Variants in CDH2 observed in about 807,000 individuals in gnomAD.
CDH2 encodes the protein cadherin 2, also known as cadherin-2.
CDH2 carries 17 observed loss-of-function variants against 92.0 expected under a neutral mutation model. The ratio of observed to expected loss-of-function variants is 0.18; its 90% CI spans 0.13 to 0.28. The LOEUF is 0.28. Ranked by LOEUF, CDH2 falls within the 10% of genes least tolerant of loss-of-function variation. The probability of loss-of-function intolerance (pLI) is 1.00; values close to 1 mark genes in which losing one functional copy is unlikely to be tolerated. For synonymous variants in CDH2, 419 were observed against 415.9 expected (o/e 1.01, Z -0.09); for missense variants, 862 against 1,133.1 (o/e 0.76, Z 3.44).
At chr18:28,055,757 G>A (rs183606292) in intron 2 of CDH2, among the ~76,000 whole-genome samples, 54 of 151,940 alleles carry the variant, frequency 3.6e-4, no homozygotes, top group Admixed American at 2.8e-3. Context: ...TATATACTTC[G>A]GCATCCTGTT....
At chr18:27,988,416 A>G in intron 11 of CDH2, 108 bp downstream of exon 11, 1 of 896,970 alleles carries the variant, frequency 1.1e-6, no homozygotes, top group Non-Finnish European at 1.7e-6. Flanking sequence ...GAATTATAAA[A>G]GTCAGTTTTC....
chr18:28,043,422 CA>C, intron 2 of CDH2, among the ~76,000 whole-genome samples: 1 of 135,626 alleles, frequency 7.4e-6, no homozygotes, highest in Non-Finnish European at 1.6e-5. Flanking sequence ...TCCATATAAC[CA>C]AAAACCACCT....
intron 1 of CDH2, among the ~76,000 whole-genome samples, chr18:28,171,112 C>T (rs1055414721): frequency 6.6e-6 from 1 of 152,050 alleles, no homozygotes; most frequent in South Asian, 2.1e-4. Context: ...CACACGTAAT[C>T]CCAGCTACAC....
rs1462592216 is a variant in CDH2, at chr18:28,147,766, C to T, written c.79G>A (p.Gly27Ser). The part of the protein sequence containing the change: ...ALLQASVEAS[G>S]EIALCKTGFP... ...CCAGTCTTGCATAATGCGATTTCACCAGAAGCCTCTACAGACGCCTGCAAC... is the reference window on the plus strand; with the variant it reads ...CCAGTCTTGCATAATGCGATTTCACTAGAAGCCTCTACAGACGCCTGCAAC... The change falls in exon 2 of 16, where the codon GGT (glycine) becomes AGT (serine). Residue 27 changes from glycine to serine, a missense_variant. Gly to Ser is a moderately conservative substitution (Grantham distance 56). Transcript: ENST00000269141. The T allele has an allele frequency of 6.2e-7, 1 of 1,607,288 alleles. No homozygotes were observed.
In CDH2 at chr18:28,153,447, T is replaced by C. The variant is rs755700196; in HGVS notation, c.61-5663A>G. Among the ~76,000 whole-genome samples, 81 of 152,336 alleles carry C rather than the reference T, an allele frequency of 5.3e-4. 1 individual carries two copies. Among genetic ancestry groups the C allele is most frequent in the Non-Finnish European group, 1.0e-3 (68 of 68,030 alleles). ...TATGTATCAAGAAAGTCTAATGAGATACCCCAAAGTCTTCATGTAGATGCT... is the reference window on the plus strand; with the variant it reads ...TATGTATCAAGAAAGTCTAATGAGACACCCCAAAGTCTTCATGTAGATGCT... On this transcript the variant is annotated intron_variant, in intron 1 of 15. Coordinates refer to ENST00000269141, the MANE Select transcript of CDH2 (RefSeq NM_001792.5).
At chr18:28,170,354 A>G (rs568889138) in intron 1 of CDH2, among the ~76,000 whole-genome samples, 1 of 152,092 alleles carries the variant, frequency 6.6e-6, no homozygotes, top group South Asian at 2.1e-4. Context: ...GCTTTTTTAA[A>G]TTTTATTTTG....
intron 14 of CDH2, among the ~76,000 whole-genome samples, chr18:27,979,058 C>T (rs1164918575): frequency 2.0e-5 from 3 of 151,640 alleles, no homozygotes; most frequent in Non-Finnish European, 2.9e-5. Context: ...ACCTAAAGAC[C>T]CATTAAGAGA....
chr18:27,999,659 TATATATAC>T (rs201949951), intron 7 of CDH2, among the ~76,000 whole-genome samples: 3,556 of 150,774 alleles, frequency 0.024, 54 homozygotes, highest in Middle Eastern at 0.063. Flanking sequence ...TAAATTTATA[TATATATAC>T]ATATATACAT....
chr18:27,991,051 G>C (rs1248791577), intron 9 of CDH2, among the ~76,000 whole-genome samples: 1 of 152,068 alleles, frequency 6.6e-6, no homozygotes, highest in East Asian at 1.9e-4. Flanking sequence ...AAACACTCTA[G>C]ATAAATGCAA....
chr18:27,988,405 G>A (rs1250111937), intron 11 of CDH2, 119 bp downstream of exon 11: 11 of 794,220 alleles, frequency 1.4e-5, no homozygotes, highest in Admixed American at 8.1e-5. Context: ...GCTGGACCTC[G>A]GAATTATAAA....
At chr18:28,136,026 T>C (rs958165378) in intron 2 of CDH2, among the ~76,000 whole-genome samples, 9 of 152,198 alleles carry the variant, frequency 5.9e-5, no homozygotes, top group Non-Finnish European at 2.9e-5. Flanking sequence ...ATATAAAGAC[T>C]TCCCAGAACC....
intron 2 of CDH2, among the ~76,000 whole-genome samples, chr18:28,032,208 C>T (rs554429829): frequency 7.9e-5 from 12 of 152,174 alleles, no homozygotes; most frequent in Admixed American, 6.6e-4. Flanking sequence ...TTCCAACTAG[C>T]TTCTCAGTAA....
intron 2 of CDH2, among the ~76,000 whole-genome samples, chr18:28,060,243 G>C (rs1471469284): frequency 6.6e-6 from 1 of 152,084 alleles, no homozygotes; most frequent in Non-Finnish European, 1.5e-5. Context: ...CTGGAGTGTA[G>C]TGGCACAATC....
intron 2 of CDH2, among the ~76,000 whole-genome samples, chr18:28,086,721 C>A (rs2014936351): frequency 1.3e-5 from 2 of 150,876 alleles, no homozygotes; most frequent in Admixed American, 1.3e-4. Flanking sequence ...TCAGTTTCAG[C>A]CTATGCTCTC....
intron 14 of CDH2, among the ~76,000 whole-genome samples, chr18:27,974,620 C>G (rs1271957141): frequency 6.6e-6 from 1 of 152,150 alleles, no homozygotes; most frequent in African/African-American, 2.4e-5. Context: ...GTGTCCCCCA[C>G]TAAAGTCACA....
At chr18:28,153,976 CAG>C (rs1376824534) in intron 1 of CDH2, among the ~76,000 whole-genome samples, 1 of 152,146 alleles carries the variant, frequency 6.6e-6, no homozygotes, top group Non-Finnish European at 1.5e-5. Flanking sequence ...CTCATTAAAA[CAG>C]ACTCTCAAGA....
chr18:27,980,921 T>G (rs960144393), intron 14 of CDH2, among the ~76,000 whole-genome samples: 1 of 152,078 alleles, frequency 6.6e-6, no homozygotes, highest in Non-Finnish European at 1.5e-5. Flanking sequence ...TACCACTTAA[T>G]CTCAAGCATC....
At chr18:28,002,915 G>T in intron 7 of CDH2, 82 bp downstream of exon 7, 1 of 1,170,422 alleles carries the variant, frequency 8.5e-7, no homozygotes, top group Non-Finnish European at 1.3e-6. Context: ...ATATTGTGAT[G>T]TGGAGATAAA....
At chr18:27,964,518 T>C (rs963389735) in intron 14 of CDH2, among the ~76,000 whole-genome samples, 3 of 152,210 alleles carry the variant, frequency 2.0e-5, no homozygotes, top group African/African-American at 4.8e-5. Context: ...GCAGCAAGCA[T>C]AGATGTAGTT....
Sources: allele counts gnomAD v4.1 joint callset (sites outside exome capture counted in the v4.1 genomes callset), GRCh38; gene constraint gnomAD v4.1.1; transcripts MANE v1.5; gene names NCBI Gene and HGNC (gene_info 2026-07-23, HGNC 2026-07-21).